The following FAM47E variants were observed in gnomAD, a reference collection of about 807,000 sequenced individuals.
The protein encoded by FAM47E is family with sequence similarity 47 member E, also known as protein FAM47E.
FAM47E carries 32 observed loss-of-function variants against 41.6 expected under a neutral mutation model. That is an observed-to-expected ratio of 0.77 (90% CI 0.58 to 1.03). The LOEUF (loss-of-function observed/expected upper bound fraction) is 1.03, where lower values mean the gene tolerates loss of function less well. Ranked by LOEUF, FAM47E falls within the 50% of genes least tolerant of loss-of-function variation. The pLI, the probability that FAM47E is intolerant of heterozygous loss-of-function variation, is 0.00. For missense variants in FAM47E, 424 were observed against 485.4 expected, an observed-to-expected ratio of 0.87 and a Z score of 1.19; for synonymous variants, 184 against 188.7, an observed-to-expected ratio of 0.98 and a Z score of 0.20.
At chr4:76,219,193 T>C (rs751503077) in intron 2 of FAM47E, among the ~76,000 whole-genome samples, 1 of 152,162 alleles carries the variant, frequency 6.6e-6, no homozygotes, top group Non-Finnish European at 1.5e-5. Flanking sequence ...GGAATACTCA[T>C]GGTGACCTGG....
At chr4:76,253,587 C>T (rs1465152130) in intron 1 of FAM47E, among the ~76,000 whole-genome samples, 2 of 151,874 alleles carry the variant, frequency 1.3e-5, no homozygotes, top group Non-Finnish European at 1.5e-5. Flanking sequence ...AGAGGAAAGC[C>T]CTCCCTTTAC....
intron 5 of FAM47E, among the ~76,000 whole-genome samples, chr4:76,273,873 G>T (rs956198829): frequency 1.3e-5 from 2 of 150,348 alleles, no homozygotes; most frequent in Admixed American, 6.6e-5. Context: ...TTTCTGCAAT[G>T]TCTAATCTTC....
At chr4:76,238,765 C>T (rs1173053840) in intron 2 of FAM47E, among the ~76,000 whole-genome samples, 4 of 152,110 alleles carry the variant, frequency 2.6e-5, no homozygotes, top group Non-Finnish European at 5.9e-5. Flanking sequence ...GTAAAACATA[C>T]ATAACACAAA....
At chr4:76,278,273 G>A in intron 6 of FAM47E, 49 bp downstream of exon 6, 1 of 1,422,800 alleles carries the variant, frequency 7.0e-7, no homozygotes, top group South Asian at 1.6e-5. Flanking sequence ...GATGATCACA[G>A]TGCATCTGCC....
At chr4:76,219,298 A>G (rs1733267442) in intron 2 of FAM47E, among the ~76,000 whole-genome samples, 2 of 152,212 alleles carry the variant, frequency 1.3e-5, no homozygotes, top group African/African-American at 4.8e-5. Flanking sequence ...GCCAGGAAGG[A>G]GTTGCCAGTC....
intron 2 of FAM47E, among the ~76,000 whole-genome samples, chr4:76,235,867 A>G (rs537893325): frequency 1.3e-5 from 2 of 152,316 alleles, no homozygotes; most frequent in South Asian, 4.1e-4. Flanking sequence ...TCCTCTCACA[A>G]TCTGATGAGG....
In FAM47E at chr4:76,256,291, C is replaced by T; in HGVS notation, c.188C>T (p.Thr63Ile). The T allele has an allele frequency of 2.6e-6, 4 of 1,551,712 alleles. No homozygotes were observed. Among genetic ancestry groups the T allele is most frequent in the Non-Finnish European group, 3.5e-6 (4 of 1,147,004 alleles). Residue 63 changes from threonine (T) to isoleucine (I), a missense_variant, in exon 2 of 8, where the codon ACT becomes ATT. By Grantham distance (89) the Thr-to-Ile change is moderately conservative. Transcript: ENST00000424749. Reference sequence around the variant, plus strand: ...TTCAGGAAGGGCTGCCCGCCTTGCACTGGTCTGGTGACTCAGGTCCCTGTG... The same window carrying T: ...TTCAGGAAGGGCTGCCCGCCTTGCATTGGTCTGGTGACTCAGGTCCCTGTG... ...DDFRKGCPPC[T>I]GLVTQVPVEG...
chr4:76,278,173 G>C lies in FAM47E; in HGVS notation c.975G>C (p.Glu325Asp), dbSNP rs1300938867. The C allele has an allele frequency of 5.8e-6, 9 of 1,550,208 alleles. No individual in the cohort carries two copies. The highest frequency in any genetic ancestry group is 7.8e-6 in the Non-Finnish European group (9 of 1,146,704). ...QRVDEPLVDP[E>D]VSHKAQEENF... ...TAGACGAGCCTCTGGTTGACCCTGAGGTCTCACATAAGGCTCAAGAGGAGA... is the reference window on the plus strand; with the variant it reads ...TAGACGAGCCTCTGGTTGACCCTGACGTCTCACATAAGGCTCAAGAGGAGA... The change falls in exon 6 of 8, where the codon GAG (glutamate) becomes GAC (aspartate). Residue 325 changes from glutamate (E) to aspartate (D), a missense_variant. By Grantham distance (45) the Glu-to-Asp change is conservative. Coordinates refer to ENST00000424749, the MANE Select transcript of FAM47E (RefSeq NM_001136570.3).
upstream of FAM47E, chr4:76,251,603 T>G: frequency 7.4e-7 from 1 of 1,342,398 alleles, no homozygotes; most frequent in Non-Finnish European, 9.5e-7. Flanking sequence ...GAGAAGGGGT[T>G]GGACCGCGCA....
intron 2 of FAM47E, among the ~76,000 whole-genome samples, chr4:76,238,685 T>A (rs1479340090): frequency 6.6e-6 from 1 of 152,184 alleles, no homozygotes; most frequent in East Asian, 1.9e-4. Context: ...GGAGGGTGCT[T>A]AGTCATGTTA....
chr4:76,227,762 CTT>C (rs1240968081), intron 2 of FAM47E, among the ~76,000 whole-genome samples: 3 of 152,162 alleles, frequency 2.0e-5, no homozygotes, highest in African/African-American at 4.8e-5. Flanking sequence ...GACTGATCCT[CTT>C]GTCACTATAT....
intron 3 of FAM47E, among the ~76,000 whole-genome samples, chr4:76,264,053 AG>A (rs1380977921): frequency 6.6e-6 from 1 of 152,230 alleles, no homozygotes; most frequent in Non-Finnish European, 1.5e-5. Flanking sequence ...ACGCAGACAC[AG>A]GCGTCTATAA....
intron 1 of FAM47E, among the ~76,000 whole-genome samples, chr4:76,254,349 C>A (rs1308414166): frequency 6.6e-6 from 1 of 152,014 alleles, no homozygotes; most frequent in African/African-American, 2.4e-5. Context: ...ATATAATGAA[C>A]TTTGTAAAGA....
At chr4:76,271,181 C>T (rs1193926056) in intron 4 of FAM47E, among the ~76,000 whole-genome samples, 1 of 152,220 alleles carries the variant, frequency 6.6e-6, no homozygotes, top group Non-Finnish European at 1.5e-5. Flanking sequence ...CTGACTAAAA[C>T]CGCCTCCTTC....
chr4:76,273,855 T>TG (rs1373606896), intron 5 of FAM47E, among the ~76,000 whole-genome samples: 4 of 127,416 alleles, frequency 3.1e-5, no homozygotes, highest in African/African-American at 7.8e-5. Context: ...TTAAATTCTC[T>TG]ATTTTTTTTT....
upstream of FAM47E, among the ~76,000 whole-genome samples, chr4:76,251,536 C>T (rs1223907859): frequency 6.6e-6 from 1 of 152,186 alleles, no homozygotes; most frequent in African/African-American, 2.4e-5. Flanking sequence ...AACGTGATTA[C>T]ACCAAGGACC....
chr4:76,280,542 C>A, intron 7 of FAM47E: 1 of 468,512 alleles, frequency 2.1e-6, no homozygotes, highest in Non-Finnish European at 3.8e-6. Context: ...TTTTATTCTG[C>A]CTATTTGGTT....
At chr4:76,228,488 AAAAG>A (rs1031359451) in intron 2 of FAM47E, among the ~76,000 whole-genome samples, 3 of 151,164 alleles carry the variant, frequency 2.0e-5, no homozygotes, top group African/African-American at 2.4e-5. Flanking sequence ...TAAAAAAAAA[AAAAG>A]AAAGAAAGAA....
At chr4:76,270,574 A>G (rs550529901) in intron 4 of FAM47E, among the ~76,000 whole-genome samples, 4 of 152,236 alleles carry the variant, frequency 2.6e-5, no homozygotes, top group Non-Finnish European at 1.5e-5. Flanking sequence ...TAATCTGTTC[A>G]GATTGGATTG....
Sources: allele counts gnomAD v4.1 joint callset (sites outside exome capture counted in the v4.1 genomes callset), GRCh38; gene constraint gnomAD v4.1.1; transcripts MANE v1.5; gene names NCBI Gene and HGNC (gene_info 2026-07-23, HGNC 2026-07-21).